Variants in BCAS3 observed in about 807,000 individuals in gnomAD.
BCAS3 encodes the protein BCAS3 microtubule associated cell migration factor.
In BCAS3, 53 loss-of-function variants were observed where a neutral mutation model predicts 116.1. The observed-to-expected ratio is 0.46, with a 90% CI of 0.37 to 0.57. The LOEUF (loss-of-function observed/expected upper bound fraction) is 0.57, where lower values mean the gene tolerates loss of function less well. BCAS3 is among the 20% of genes least tolerant of loss of function. The pLI, the probability that BCAS3 is intolerant of heterozygous loss-of-function variation, is 0.00. For missense variants in BCAS3, 917 were observed against 1,165.4 expected, an observed-to-expected ratio of 0.79 and a Z score of 3.10; for synonymous variants, 391 against 408.2, an observed-to-expected ratio of 0.96 and a Z score of 0.51.
intron 22 of BCAS3, among the ~76,000 whole-genome samples, chr17:61,146,214 C>G (rs1368390199): frequency 6.6e-6 from 1 of 151,604 alleles, no homozygotes; most frequent in African/African-American, 2.4e-5. Flanking sequence ...TGAAGTGATC[C>G]TCCCACGTCA....
chr17:61,173,826 A>G (rs1387187103), intron 22 of BCAS3, among the ~76,000 whole-genome samples: 1 of 152,160 alleles, frequency 6.6e-6, no homozygotes, highest in Non-Finnish European at 1.5e-5. Flanking sequence ...GGTCACAGTG[A>G]GCTATGATCA....
chr17:60,886,564 A>G (rs2144979675), intron 9 of BCAS3: 1 of 150,592 alleles, frequency 6.6e-6, no homozygotes, highest in Admixed American at 6.6e-5. Context: ...TTTTTTCCCC[A>G]TCTTTGTGGT....
intron 19 of BCAS3, among the ~76,000 whole-genome samples, chr17:61,066,481 TTTATTC>T (rs2070629247): frequency 6.6e-6 from 1 of 152,232 alleles, no homozygotes; most frequent in African/African-American, 2.4e-5. Flanking sequence ...TATTTTTATT[TTTATTC>T]TTGCTTTACA....
chr17:61,030,833 A>C (rs2066580444), intron 16 of BCAS3, among the ~76,000 whole-genome samples: 1 of 152,060 alleles, frequency 6.6e-6, no homozygotes, highest in African/African-American at 2.4e-5. Flanking sequence ...AGTTAAGTCA[A>C]ATTTTTAAAA....
At chr17:60,969,802 C>T (rs1374545975) in intron 14 of BCAS3, among the ~76,000 whole-genome samples, 1 of 152,156 alleles carries the variant, frequency 6.6e-6, no homozygotes, top group African/African-American at 2.4e-5. Flanking sequence ...TAATGCATTG[C>T]ACACACAGAA....
In BCAS3 at chr17:61,392,194, G is replaced by A. The variant is rs1282716730; in HGVS notation, c.*69G>A. 3 of 1,528,584 alleles carry A rather than the reference G, an allele frequency of 2.0e-6. No homozygotes were observed. Among genetic ancestry groups the A allele is most frequent in the East Asian group, 2.3e-5 (1 of 44,132 alleles). 94.7% of individuals were successfully genotyped at this position (1,528,584 alleles called of 1,614,324 possible). On this transcript the variant is annotated 3_prime_UTR_variant, in exon 24 of 24. Coordinates refer to ENST00000407086, the MANE Select transcript of BCAS3 (RefSeq NM_017679.5). This position sits in a 1 kb window ranked among gnomAD's most constrained non-coding sequence, Gnocchi z 6.4. ...GGAGGAGGGGAGAAGCCCCGCTCTG[G>A]TCCTACCCTTCAGTCTCTGCTCTTC...
intron 22 of BCAS3, among the ~76,000 whole-genome samples, chr17:61,283,760 G>A (rs2051455971): frequency 6.6e-6 from 1 of 151,766 alleles, no homozygotes; most frequent in Admixed American, 6.6e-5. Flanking sequence ...GCCGTAAATT[G>A]ATTTTTTAAA....
intron 15 of BCAS3, among the ~76,000 whole-genome samples, chr17:61,011,177 A>G (rs1337504406): frequency 3.9e-5 from 6 of 152,090 alleles, no homozygotes; most frequent in Admixed American, 2.0e-4. Flanking sequence ...TAGTAAAGAA[A>G]GGTTAGTGAA....
chr17:61,351,912 T>TA (rs1262463529), intron 22 of BCAS3, among the ~76,000 whole-genome samples: 1 of 152,202 alleles, frequency 6.6e-6, no homozygotes, highest in Non-Finnish European at 1.5e-5. Context: ...TCAGAGGACA[T>TA]ACAGCTCGTC....
In BCAS3 at chr17:60,811,504, A is replaced by G. The variant is rs954139031; in HGVS notation, c.476+3428A>G. Reference sequence around the variant, plus strand: ...TACCCTTTGGGGAGCCAGGAGGCCAATGAAAAGTTCAGAGGTAAAAAAAAA... The same window carrying G: ...TACCCTTTGGGGAGCCAGGAGGCCAGTGAAAAGTTCAGAGGTAAAAAAAAA... On this transcript the variant is annotated intron_variant, in intron 7 of 23. Transcript: ENST00000407086. 3.1e-5 allele frequency: 14 copies of G among 447,448 alleles called. 1 individual carries two copies. Among genetic ancestry groups the G allele is most frequent in the East Asian group, 2.7e-4 (5 of 18,804 alleles). 27.7% of individuals were successfully genotyped at this position (447,448 alleles called of 1,614,324 possible). A position where few individuals can be genotyped will look rare whatever the true frequency, so the allele number is the denominator to read the frequency against.
chr17:61,262,607 C>T (rs1417132593), intron 22 of BCAS3, among the ~76,000 whole-genome samples: 5 of 152,134 alleles, frequency 3.3e-5, no homozygotes, highest in Admixed American at 2.6e-4. Flanking sequence ...TCTTGAACTC[C>T]TGACCTCAGG....
intron 7 of BCAS3, chr17:60,810,416 T>C: frequency 1.9e-6 from 1 of 527,112 alleles, no homozygotes; most frequent in Admixed American, 2.2e-5. Flanking sequence ...AAAGAGACCA[T>C]GCAAAGCCTG....
In BCAS3 at chr17:61,364,883, T is replaced by G. The variant is rs1359331849; in HGVS notation, c.2426-3444T>G. On this transcript the variant is annotated intron_variant, in intron 22 of 23. Transcript: ENST00000407086. This position sits in a 1 kb window ranked among gnomAD's most constrained non-coding sequence, Gnocchi z 5.4. ...GAGCTTCCAGTTTCACCACCATAAA[T>G]GGGGGATAGTACCTCTACGACCTCT... 6.6e-6 allele frequency among the ~76,000 whole-genome samples: 1 copy of G among 152,142 alleles called. No individual in the cohort carries two copies. Among genetic ancestry groups the G allele is most frequent in the Non-Finnish European group, 1.5e-5 (1 of 68,016 alleles).
At chr17:60,916,611 G>A (rs866432521) in intron 12 of BCAS3, among the ~76,000 whole-genome samples, 6 of 152,200 alleles carry the variant, frequency 3.9e-5, no homozygotes, top group South Asian at 2.1e-4. Flanking sequence ...TGATGATTGC[G>A]TTAGAAATTG....
intron 23 of BCAS3, among the ~76,000 whole-genome samples, chr17:61,372,486 C>T (rs1438314184): frequency 6.6e-6 from 1 of 152,162 alleles, no homozygotes; most frequent in African/African-American, 2.4e-5. Context: ...TCTCCAGAAC[C>T]ATCTATTCAG....
At position 61,095,452 on chromosome 17, in the gene BCAS3, G is replaced by T. The variant is rs1568341905; in HGVS notation, c.2425+10888G>T. Reference sequence around the variant, plus strand: ...TAAACCAAAGATCTTTGGGGTCCTGGGTTTTTTGTTGTTGTTGTCGTTTGT... The same window carrying T: ...TAAACCAAAGATCTTTGGGGTCCTGTGTTTTTTGTTGTTGTTGTCGTTTGT... On this transcript the variant is annotated intron_variant, in intron 22 of 23. Transcript: ENST00000407086. The surrounding 1 kb of genome is among the most constrained non-coding windows in gnomAD (Gnocchi z 4.7). Among the ~76,000 whole-genome samples the T allele has an allele frequency of 6.6e-6, 1 of 151,876 alleles. No individual in the cohort carries two copies. The highest frequency in any genetic ancestry group is 1.5e-5 in the Non-Finnish European group (1 of 67,910).
chr17:61,035,744 C>T (rs904436531), intron 17 of BCAS3, among the ~76,000 whole-genome samples: 1 of 151,994 alleles, frequency 6.6e-6, no homozygotes, highest in African/African-American at 2.4e-5. Context: ...TCGGATGGTA[C>T]GGAGCCCTAT....
At chr17:61,345,604 CGT>C (rs960349342) in intron 22 of BCAS3, among the ~76,000 whole-genome samples, 3 of 152,112 alleles carry the variant, frequency 2.0e-5, no homozygotes, top group Non-Finnish European at 4.4e-5. Flanking sequence ...ACAGCATGTG[CGT>C]TTTGTGTAGC....
intron 22 of BCAS3, among the ~76,000 whole-genome samples, chr17:61,101,010 C>T (rs2074293956): frequency 6.6e-6 from 1 of 152,068 alleles, no homozygotes; most frequent in Non-Finnish European, 1.5e-5. Context: ...AGCATCTCAG[C>T]CAACCTTGAT....
Sources: gnomAD v4.1 joint callset for allele counts (sites outside exome capture counted in the v4.1 genomes callset) on GRCh38, gnomAD v4.1.1 for gene constraint, Gnocchi (gnomAD v3.1) non-coding constraint, MANE v1.5 for transcripts, NCBI Gene and HGNC (gene_info 2026-07-23, HGNC 2026-07-21) for gene names.